The following ZNF148 variants were observed in gnomAD, a reference collection of about 807,000 sequenced individuals.
ZNF148 encodes Beta-Enolase Repressor Factor-1.
In ZNF148, 7 loss-of-function variants were observed where a neutral mutation model predicts 67.7. The ratio of observed to expected loss-of-function variants is 0.10; its 90% CI spans 0.06 to 0.19. The LOEUF (loss-of-function observed/expected upper bound fraction) is 0.19, where lower values mean the gene tolerates loss of function less well. ZNF148 is among the 10% of genes least tolerant of loss of function. The probability of loss-of-function intolerance (pLI) is 1.00; values close to 1 mark genes in which losing one functional copy is unlikely to be tolerated. For synonymous variants in ZNF148, 333 were observed against 330.7 expected, an observed-to-expected ratio of 1.01 and a Z score of -0.08; for missense variants, 583 against 947.1, an observed-to-expected ratio of 0.62 and a Z score of 5.05.
At chr3:125,252,947 T>C (rs1360575135) in intron 7 of ZNF148, among the ~76,000 whole-genome samples, 1 of 152,168 alleles carries the variant, frequency 6.6e-6, no homozygotes, top group Non-Finnish European at 1.5e-5. Flanking sequence ...CTTTATAATA[T>C]ATCTTGATAT....
At chr3:125,358,105 A>G (rs1942423115) in intron 1 of ZNF148, among the ~76,000 whole-genome samples, 1 of 152,194 alleles carries the variant, frequency 6.6e-6, no homozygotes, top group Admixed American at 6.5e-5. Context: ...TGAAGTCAGG[A>G]GTTCAAGACC....
intron 7 of ZNF148, among the ~76,000 whole-genome samples, chr3:125,272,676 C>A (rs1160664206): frequency 1.3e-5 from 2 of 152,010 alleles, no homozygotes; most frequent in African/African-American, 4.8e-5. Context: ...TATATACACA[C>A]ATATAAATGA....
Position 125,323,426 on chromosome 3 carries a change from C to T in ZNF148, c.-134G>A. The T allele has an allele frequency of 1.5e-6, 1 of 685,712 alleles. No homozygotes were observed. Among genetic ancestry groups the T allele is most frequent in the Non-Finnish European group, 2.6e-6 (1 of 380,380 alleles). 42.5% of individuals were successfully genotyped at this position (685,712 alleles called of 1,614,324 possible). A position where few individuals can be genotyped will look rare whatever the true frequency, so the allele number is the denominator to read the frequency against. ...CAGAAATCCTCAATACCACCTTAAT[C>T]ACTTATGCCATCCGATTCCTACAAT... On this transcript the variant is annotated 5_prime_UTR_variant, in exon 3 of 9. Transcript: ENST00000360647.
At chr3:125,323,620 A>G (rs1305588661) in intron 2 of ZNF148, among the ~76,000 whole-genome samples, 176 bp from the exon 3 acceptor site, 1 of 152,186 alleles carries the variant, frequency 6.6e-6, no homozygotes, top group Admixed American at 6.5e-5. Context: ...GGGAAAATAC[A>G]ATAGTGGTAA....
intron 7 of ZNF148, among the ~76,000 whole-genome samples, chr3:125,254,013 T>C (rs541960491): frequency 6.6e-6 from 1 of 152,204 alleles, no homozygotes; most frequent in African/African-American, 2.4e-5. Flanking sequence ...CTAGAAGAAT[T>C]CCAGGGAAGC....
At chr3:125,244,524 T>G (rs1046140651) in intron 7 of ZNF148, among the ~76,000 whole-genome samples, 16 of 151,120 alleles carry the variant, frequency 1.1e-4, no homozygotes, top group Admixed American at 1.1e-3. Context: ...TGAGACGGAG[T>G]TTCGCTCTTG....
chr3:125,337,724 T>G (rs1941556265), intron 1 of ZNF148, among the ~76,000 whole-genome samples: 1 of 152,186 alleles, frequency 6.6e-6, no homozygotes, highest in Non-Finnish European at 1.5e-5. Context: ...CAAGTATTAT[T>G]GTTTGTCTCA....
chr3:125,261,162 G>T (rs1937318110), intron 7 of ZNF148, among the ~76,000 whole-genome samples: 1 of 152,162 alleles, frequency 6.6e-6, no homozygotes, highest in Non-Finnish European at 1.5e-5. Flanking sequence ...ACTCAGCTTT[G>T]CTGTGTAGCC....
intron 7 of ZNF148, among the ~76,000 whole-genome samples, chr3:125,239,003 T>C (rs539300558): frequency 2.6e-5 from 4 of 152,314 alleles, no homozygotes; most frequent in Admixed American, 6.5e-5. Flanking sequence ...AGAAGCCAGA[T>C]ACAAAAGGGC....
intron 4 of ZNF148, among the ~76,000 whole-genome samples, chr3:125,298,618 ATTTT>A (rs11312460): frequency 9.5e-4 from 97 of 102,628 alleles, no homozygotes; most frequent in South Asian, 2.5e-3. Flanking sequence ...TTTATATTAA[ATTTT>A]TTTTTTTTTT....
At chr3:125,366,446 T>G (rs1942706037) in intron 1 of ZNF148, among the ~76,000 whole-genome samples, 1 of 152,264 alleles carries the variant, frequency 6.6e-6, no homozygotes, top group African/African-American at 2.4e-5. Context: ...CTCTCTGCGT[T>G]CCAAACTATA....
chr3:125,235,323 T>C lies in ZNF148; in HGVS notation c.668-994A>G, dbSNP rs147926985. On this transcript the variant is annotated intron_variant, in intron 7 of 8. Transcript: ENST00000360647. ...TAAAAAGACAACTAACAACACTATG[T>C]CTATTCTGATTTACTTTTACATCTT... Among the ~76,000 whole-genome samples the C allele has an allele frequency of 2.2e-4, 34 of 152,284 alleles. No homozygotes were observed. In the East Asian group the frequency reaches 6.6e-3, roughly 29 times the overall value.
intron 7 of ZNF148, among the ~76,000 whole-genome samples, chr3:125,245,970 C>T (rs1579607618): frequency 6.6e-6 from 1 of 152,238 alleles, no homozygotes; most frequent in East Asian, 1.9e-4. Flanking sequence ...TCGCAATTCC[C>T]CACTCTGCTT....
chr3:125,350,128 A>G (rs1369992665), intron 1 of ZNF148, among the ~76,000 whole-genome samples: 1 of 151,056 alleles, frequency 6.6e-6, no homozygotes, highest in African/African-American at 2.5e-5. Flanking sequence ...CCACTTGTGC[A>G]TATTTATCCA....
At position 125,288,127 on chromosome 3, in the gene ZNF148, C is replaced by A. The variant is rs749904871; in HGVS notation, c.435G>T (p.Lys145Asn). The change falls in exon 5 of 9, where the codon AAG (lysine) becomes AAT (asparagine). Residue 145 changes from lysine (K) to asparagine (N), a missense_variant. Coordinates refer to ENST00000360647, the MANE Select transcript of ZNF148 (RefSeq NM_021964.3). The stretch of plus-strand genomic sequence containing the variant: ...CTTTTGCGGGAGAACGTTGTTTCCG[C>A]TTCTTCTTTTTCTGTAAGTCTACTG... ...REPVDLQKKK[K>N]RKQRSPAKIL... The A allele has an allele frequency of 1.9e-6, 3 of 1,613,708 alleles. No individual in the cohort carries two copies. The highest frequency in any genetic ancestry group is 1.7e-6 in the Non-Finnish European group (2 of 1,179,864).
intron 1 of ZNF148, among the ~76,000 whole-genome samples, chr3:125,345,824 G>GC (rs113143685): frequency 8.6e-5 from 13 of 151,626 alleles, no homozygotes; most frequent in African/African-American, 2.4e-4. Context: ...TAATTTAAAA[G>GC]CCCCCCCAAC....
chr3:125,306,426 C>T (rs1167164974), intron 4 of ZNF148, among the ~76,000 whole-genome samples: 1 of 151,852 alleles, frequency 6.6e-6, no homozygotes, highest in East Asian at 1.9e-4. Context: ...AATTATTATA[C>T]CAATATCAGG....
chr3:125,312,274 A>G (rs760913890), intron 4 of ZNF148, among the ~76,000 whole-genome samples: 28 of 152,252 alleles, frequency 1.8e-4, no homozygotes, highest in African/African-American at 3.9e-4. Flanking sequence ...AGTTGCTTCC[A>G]TATTCAAAAA....
At chr3:125,319,479 ATGCT>A (rs1242991875) in intron 3 of ZNF148, among the ~76,000 whole-genome samples, 1 of 152,224 alleles carries the variant, frequency 6.6e-6, no homozygotes, top group East Asian at 1.9e-4. Flanking sequence ...GCTCTTAAAA[ATGCT>A]TGCTTGTTCT....
Sources: allele counts gnomAD v4.1 joint callset (sites outside exome capture counted in the v4.1 genomes callset), GRCh38; gene constraint gnomAD v4.1.1; transcripts MANE v1.5; gene names NCBI Gene and HGNC (gene_info 2026-07-23, HGNC 2026-07-21).